TMEM201: variants seen among roughly 807,000 people sequenced by gnomAD.
TMEM201 encodes the protein transmembrane protein 201.
TMEM201 carries 26 observed loss-of-function variants against 63.4 expected under a neutral mutation model. The observed-to-expected ratio is 0.41, with a 90% CI of 0.30 to 0.57. The LOEUF (loss-of-function observed/expected upper bound fraction) is 0.57. Among genes scored for constraint, TMEM201 ranks in the 20% least tolerant of loss-of-function variants. TMEM201 has a pLI of 0.29. For synonymous variants in TMEM201, 417 were observed against 421.6 expected (o/e 0.99, Z 0.14); for missense variants, 794 against 917.7 (o/e 0.87, Z 1.74).
Position 9,595,763 on chromosome 1 carries a change from G to C in TMEM201, c.114-127G>C, listed in dbSNP as rs1376908688. ...TTCTGGGGCCAGCATCTCCAGCTTT[G>C]CATCCCCAGATCCCAGATCCCACTC... On this transcript the variant is annotated intron_variant, in intron 1 of 10. Transcript: ENST00000340381. The C allele has an allele frequency of 2.2e-6, 3 of 1,389,466 alleles. No homozygotes were observed. The East Asian group carries it at 7.2e-5, about 34-fold the overall frequency. The allele number at this position is 1,389,466 out of a possible 1,614,324, so 86.1% of individuals were successfully genotyped here.
Position 9,596,882 on chromosome 1 carries a change from C to A in TMEM201, c.258C>A (p.Ile86=), listed in dbSNP as rs1432658954. Reference sequence around the variant, plus strand: ...AGAACGGCGACTACAACAAGCCGATCCCCGCCCAGTACTTGGAGCACCTGA... The same window carrying A: ...AGAACGGCGACTACAACAAGCCGATACCCGCCCAGTACTTGGAGCACCTGA... ...FQENGDYNKP[I]PAQYLEHLNH... Residue 86 remains isoleucine (I), a synonymous_variant, in exon 3 of 11, where the codon ATC becomes ATA. Transcript: ENST00000340381. 6.3e-7 allele frequency: 1 copy of A among 1,598,820 alleles called. No individual in the cohort carries two copies.
At position 9,604,969 on chromosome 1, in the gene TMEM201, G is replaced by A. The variant is rs1332042526; in HGVS notation, c.1161-2588G>A. The A allele has an allele frequency of 2.7e-5, 27 of 985,748 alleles. No homozygotes were observed. Among genetic ancestry groups the A allele is most frequent in the African/African-American group, 3.5e-5 (2 of 57,216 alleles). The allele number at this position is 985,748 out of a possible 1,614,324, so 61.1% of individuals were successfully genotyped here. A position where few individuals can be genotyped will look rare whatever the true frequency, so the allele number is the denominator to read the frequency against. Reference sequence around the variant, plus strand: ...CTTTTACCCGCTGGCGTCAGGTGCCGCGTCTTTCTTCTTTTTTCTTTCTTT... The same window carrying A: ...CTTTTACCCGCTGGCGTCAGGTGCCACGTCTTTCTTCTTTTTTCTTTCTTT... On this transcript the variant is annotated intron_variant, in intron 6 of 10. Coordinates refer to ENST00000340381, the MANE Select transcript of TMEM201 (RefSeq NM_001130924.3). The surrounding 1 kb of genome is among the most constrained non-coding windows in gnomAD (Gnocchi z 4.1).
chr1:9,594,265 G>C (rs1235690169), intron 1 of TMEM201, among the ~76,000 whole-genome samples: 1 of 152,250 alleles, frequency 6.6e-6, no homozygotes, highest in Non-Finnish European at 1.5e-5. Flanking sequence ...GGCCTTGCCC[G>C]CTGTCTCCAT....
rs970056659 is a variant in TMEM201 at position 9,611,799 on chromosome 1, C to A, written c.1812C>A (p.Ser604=). Residue 604 remains serine (S), a synonymous_variant, in exon 10 of 11, where the codon TCC becomes TCA. Coordinates refer to ENST00000340381, the MANE Select transcript of TMEM201 (RefSeq NM_001130924.3). ...LERGSACSNR[S]IKKEDDSSQS... ...GAGGCAGTGCCTGCAGCAACCGCTC[C>A]ATCAAGAAAGAGGACGACTCTTCCC... is the stretch of plus-strand genomic sequence containing the variant. 1.3e-6 allele frequency: 2 copies of A among 1,551,038 alleles called. No homozygotes were observed. Among genetic ancestry groups the A allele is most frequent in the Non-Finnish European group, 1.7e-6 (2 of 1,147,018 alleles).
Position 9,613,185 on chromosome 1 carries a change from T to A in TMEM201, c.*102T>A. Reference sequence around the variant, plus strand: ...GGAGGGGCTGCCACCTCTGCCCTCATCTCCAGGGCCTTGACCTCACTGGAC... The same window carrying A: ...GGAGGGGCTGCCACCTCTGCCCTCAACTCCAGGGCCTTGACCTCACTGGAC... On this transcript the variant is annotated 3_prime_UTR_variant, in exon 11 of 11. Transcript: ENST00000340381. 2 of 1,131,762 alleles carry A rather than the reference T, an allele frequency of 1.8e-6. No homozygotes were observed. 70.1% of individuals were successfully genotyped at this position (1,131,762 alleles called of 1,614,324 possible).
intron 4 of TMEM201, among the ~76,000 whole-genome samples, chr1:9,599,012 G>C (rs1644083701): frequency 6.6e-6 from 1 of 150,964 alleles, no homozygotes; most frequent in African/African-American, 2.4e-5. Flanking sequence ...CACGATCTCG[G>C]CTCACTATAA....
At chr1:9,596,786 C>T in intron 2 of TMEM201, 73 bp from the exon 3 acceptor site, 1 of 1,475,310 alleles carries the variant, frequency 6.8e-7, no homozygotes, top group Non-Finnish European at 9.2e-7. Context: ...GCGGGGCGGG[C>T]CCCCAGGGAC....
chr1:9,604,033 C>A lies in TMEM201; in HGVS notation c.1160+1761C>A. The A allele has an allele frequency of 1.0e-6, 1 of 985,472 alleles. No homozygotes were observed. The highest frequency in any genetic ancestry group is 4.7e-5 in the South Asian group (1 of 21,290). The allele number at this position is 985,472 out of a possible 1,614,324, so 61.0% of individuals were successfully genotyped here. On this transcript the variant is annotated intron_variant, in intron 6 of 10. Transcript: ENST00000340381. This position sits in a 1 kb window ranked among gnomAD's most constrained non-coding sequence, Gnocchi z 4.1. ...AGGGGCAGGGAACCGCCTGCCTGTG[C>A]ACTCACGCCACCCCCCAGCCCACAA...
At chr1:9,589,357 C>A (rs935469425) in intron 1 of TMEM201, among the ~76,000 whole-genome samples, 1 of 152,160 alleles carries the variant, frequency 6.6e-6, no homozygotes, top group Non-Finnish European at 1.5e-5. Context: ...CCCTCAGCCC[C>A]GTGCTGGGCC....
In TMEM201 at chr1:9,613,207, G is replaced by A. The variant is rs777620407; in HGVS notation, c.*124G>A. On this transcript the variant is annotated 3_prime_UTR_variant, in exon 11 of 11. Transcript: ENST00000340381. Reference sequence around the variant, plus strand: ...TCATCTCCAGGGCCTTGACCTCACTGGACTGTGACTGTCCTCAGGACACCT... The same window carrying A: ...TCATCTCCAGGGCCTTGACCTCACTAGACTGTGACTGTCCTCAGGACACCT... The A allele has an allele frequency of 5.7e-5, 50 of 874,128 alleles. No individual in the cohort carries two copies. The highest frequency in any genetic ancestry group is 8.0e-5 in the Non-Finnish European group (45 of 559,184). The allele number at this position is 874,128 out of a possible 1,614,324, so 54.1% of individuals were successfully genotyped here.
chr1:9,589,024 C>T lies in TMEM201; in HGVS notation c.94C>T (p.Leu32Phe). The T allele has an allele frequency of 8.6e-7, 1 of 1,158,334 alleles. No homozygotes were observed. The highest frequency in any genetic ancestry group is 1.1e-6 in the Non-Finnish European group (1 of 936,636). The allele number at this position is 1,158,334 out of a possible 1,614,324, so 71.8% of individuals were successfully genotyped here. A position where few individuals can be genotyped will look rare whatever the true frequency, so the allele number is the denominator to read the frequency against. The change falls in exon 1 of 11, where the codon CTC (leucine) becomes TTC (phenylalanine). Residue 32 changes from leucine to phenylalanine, a missense_variant. Physicochemically the swap from Leu to Phe is conservative, Grantham distance 22 (BLOSUM62 0). Coordinates refer to ENST00000340381, the MANE Select transcript of TMEM201 (RefSeq NM_001130924.3). The stretch of plus-strand genomic sequence containing the variant: ...GGCGTGCGCCGCGGCCGGCGTGTTG[C>T]TCTACCGGATCGCGCGGAGGTGAGT... ...VTACAAAGVL[L>F]YRIARRMKPT... is the part of the protein sequence containing the mutation.
At position 9,597,065 on chromosome 1, in the gene TMEM201, T is replaced by C. The variant is rs766876263; in HGVS notation, c.429+12T>C. On this transcript the variant is annotated intron_variant, in intron 3 of 10. Transcript: ENST00000340381. ...CTCCCCGCGAGGAGGTGAGGCCGGGTTGGGAGGGCAGGGGTCCTGGCTGGG... is the reference window on the plus strand; with the variant it reads ...CTCCCCGCGAGGAGGTGAGGCCGGGCTGGGAGGGCAGGGGTCCTGGCTGGG... 14 of 1,592,266 alleles carry C rather than the reference T, an allele frequency of 8.8e-6. No individual in the cohort carries two copies. In the Admixed American group the frequency reaches 2.2e-4, roughly 25 times the overall value.
Position 9,610,908 on chromosome 1 carries a change from G to A in TMEM201, c.1765+103G>A. ...GGCTCATCCTTGCTCTGACTCCGGT[G>A]TGCGCCTTCCCACCCTGGAGCTCTA... On this transcript the variant is annotated intron_variant, in intron 9 of 10. Transcript: ENST00000340381. The surrounding 1 kb of genome is among the most constrained non-coding windows in gnomAD (Gnocchi z 4.9). The A allele has an allele frequency of 6.7e-7, 1 of 1,492,964 alleles. No homozygotes were observed. Among genetic ancestry groups the A allele is most frequent in the Non-Finnish European group, 9.0e-7 (1 of 1,116,330 alleles). 92.5% of individuals were successfully genotyped at this position (1,492,964 alleles called of 1,614,324 possible). A position where few individuals can be genotyped will look rare whatever the true frequency, so the allele number is the denominator to read the frequency against.
At chr1:9,598,796 C>T (rs891301310) in intron 4 of TMEM201, among the ~76,000 whole-genome samples, 171 bp downstream of exon 4, 8 of 151,728 alleles carry the variant, frequency 5.3e-5, no homozygotes, top group African/African-American at 1.9e-4. Flanking sequence ...ATTACAGGCA[C>T]ACGCCACCAC....
intron 10 of TMEM201, 140 bp from the exon 11 acceptor site, chr1:9,612,846 G>A: frequency 1.5e-6 from 1 of 683,718 alleles, no homozygotes. Flanking sequence ...AGAAGAATTG[G>A]GGGTGAGCCT....
chr1:9,601,423 C>T lies in TMEM201; in HGVS notation c.925C>T (p.Leu309=). Residue 309 remains leucine (L), a synonymous_variant, in exon 5 of 11, where the codon CTG becomes TTG. Coordinates refer to ENST00000340381, the MANE Select transcript of TMEM201 (RefSeq NM_001130924.3). The part of the protein sequence containing the change: ...GVVALGLLTC[L]LAMLLAGRIR... ...CGTGGCACTGGGCCTACTCACCTGC[C>T]TGCTGGCAATGCTGCTGGCTGGCCG... 1 of 1,594,262 alleles carries T rather than the reference C, an allele frequency of 6.3e-7. No homozygotes were observed. The highest frequency in any genetic ancestry group is 8.5e-7 in the Non-Finnish European group (1 of 1,174,528).
At chr1:9,600,997 T>C (rs1327261984) in intron 4 of TMEM201, 108 bp from the exon 5 acceptor site, 2 of 961,184 alleles carry the variant, frequency 2.1e-6, no homozygotes, top group Admixed American at 2.6e-5. Flanking sequence ...AAGCCCAGGA[T>C]GTGTGAGAAC....
intron 4 of TMEM201, 145 bp downstream of exon 4, chr1:9,598,770 A>C: frequency 1.1e-6 from 1 of 870,266 alleles, no homozygotes; most frequent in Non-Finnish European, 1.6e-6. Context: ...TATTTTTGAG[A>C]TAAAGTTTTG....
intron 1 of TMEM201, among the ~76,000 whole-genome samples, chr1:9,594,264 C>T (rs918273502): frequency 5.9e-5 from 9 of 152,348 alleles, no homozygotes; most frequent in South Asian, 2.1e-4. Flanking sequence ...AGGCCTTGCC[C>T]GCTGTCTCCA....
Sources: gnomAD v4.1 joint callset for allele counts (sites outside exome capture counted in the v4.1 genomes callset) on GRCh38, gnomAD v4.1.1 for gene constraint, Gnocchi (gnomAD v3.1) non-coding constraint, MANE v1.5 for transcripts, NCBI Gene and HGNC (gene_info 2026-07-23, HGNC 2026-07-21) for gene names.